CACNA1D: variants seen among roughly 807,000 people sequenced by gnomAD.
CACNA1D encodes the protein voltage-dependent L-type calcium channel subunit alpha-1D.
A neutral mutation model predicts 257.1 loss-of-function variants in CACNA1D; 55 were observed. That is an observed-to-expected ratio of 0.21 (90% CI 0.17 to 0.27). The LOEUF is 0.27. CACNA1D is among the 10% of genes least tolerant of loss of function. The pLI, the probability that CACNA1D is intolerant of heterozygous loss-of-function variation, is 1.00. For synonymous variants in CACNA1D, 980 were observed against 1,014.9 expected (o/e 0.97, Z 0.65); for missense variants, 1,876 against 2,784.0 (o/e 0.67, Z 7.34).
chr3:53,744,703 A>G, intron 22 of CACNA1D, 37 bp from the exon 23 acceptor site: 1 of 1,116,448 alleles, frequency 9.0e-7, no homozygotes, highest in Non-Finnish European at 1.4e-6. Context: ...TCCATTTATA[A>G]CACGCTCTGC....
intron 3 of CACNA1D, among the ~76,000 whole-genome samples, chr3:53,638,852 A>G (rs1275145587): frequency 6.6e-6 from 1 of 152,182 alleles, no homozygotes; most frequent in Non-Finnish European, 1.5e-5. Flanking sequence ...CACCTCCCAG[A>G]TGGGTCCTCG....
rs753277894 is a variant in CACNA1D at position 53,723,573 on chromosome 3, G to T, written c.1806G>T (p.Thr602=). The T allele has an allele frequency of 5.6e-6, 9 of 1,614,072 alleles. No homozygotes were observed. In the Admixed American group the frequency reaches 1.5e-4, roughly 27 times the overall value. Reference sequence around the variant, plus strand: ...TGGTGTGTGGTGGAATCACTGAGACGATCTTGGTGGAACTGGAAATCATGT... The same window carrying T: ...TGGTGTGTGGTGGAATCACTGAGACTATCTTGGTGGAACTGGAAATCATGT... The part of the protein sequence containing the change: ...CFVVCGGITE[T]ILVELEIMSP... Residue 602 remains threonine, a synonymous_variant, in exon 13 of 48, where the codon ACG becomes ACT. Coordinates refer to ENST00000350061, the MANE Select transcript of CACNA1D (RefSeq NM_001128840.3). The surrounding 1 kb of genome is among the most constrained non-coding windows in gnomAD (Gnocchi z 5.6).
intron 3 of CACNA1D, among the ~76,000 whole-genome samples, chr3:53,531,221 G>T (rs959449298): frequency 4.6e-5 from 7 of 152,010 alleles, no homozygotes; most frequent in Non-Finnish European, 1.0e-4. Context: ...AACTAATCAA[G>T]CTCCCCGTGT....
chr3:53,637,468 T>G (rs2093897943), intron 3 of CACNA1D, among the ~76,000 whole-genome samples: 1 of 152,162 alleles, frequency 6.6e-6, no homozygotes, highest in African/African-American at 2.4e-5. Flanking sequence ...AGGAAAGCAA[T>G]TTAAAACATA....
rs2095532593 is a variant in CACNA1D, at chr3:53,800,779, T to C, written c.5041-279T>C. The C allele has an allele frequency of 7.3e-6, 4 of 545,708 alleles. No individual in the cohort carries two copies. In the East Asian group the frequency reaches 9.8e-5, roughly 13 times the overall value. 33.8% of individuals were successfully genotyped at this position (545,708 alleles called of 1,614,324 possible). The stretch of plus-strand genomic sequence containing the variant: ...GGGGCCACCAGCCAGCCCAGCTGGG[T>C]ATAAGTCACCCCAACTTGGAGCAAC... On this transcript the variant is annotated intron_variant, in intron 41 of 47. Transcript: ENST00000350061. The surrounding 1 kb of genome is among the most constrained non-coding windows in gnomAD (Gnocchi z 4.3).
chr3:53,620,401 C>T (rs1341985486), intron 3 of CACNA1D, among the ~76,000 whole-genome samples: 3 of 152,218 alleles, frequency 2.0e-5, no homozygotes, highest in Non-Finnish European at 4.4e-5. Context: ...AGTAATCCTC[C>T]TGCCTCAGCC....
chr3:53,595,480 C>T (rs1406005873), intron 3 of CACNA1D, among the ~76,000 whole-genome samples: 5 of 152,190 alleles, frequency 3.3e-5, no homozygotes, highest in Non-Finnish European at 7.3e-5. Context: ...TACCATGGAG[C>T]TTTCAATGAG....
rs996543669 is a variant in CACNA1D at position 53,675,307 on chromosome 3, T to A, written c.1220+2181T>A. The stretch of plus-strand genomic sequence containing the variant: ...GTGTCTCTCTCCTAGTAAACCTCAG[T>A]GGCCTTAGGCTAGGGTTGGACATGT... On this transcript the variant is annotated intron_variant, in intron 8 of 47. Transcript: ENST00000350061. 2.0e-5 allele frequency among the ~76,000 whole-genome samples: 3 copies of A among 152,246 alleles called. No individual in the cohort carries two copies. The East Asian group carries it at 5.8e-4, about 29-fold the overall frequency.
At chr3:53,639,128 T>G (rs1408356480) in intron 3 of CACNA1D, among the ~76,000 whole-genome samples, 1 of 152,196 alleles carries the variant, frequency 6.6e-6, no homozygotes, top group Non-Finnish European at 1.5e-5. Context: ...ATCTGTGAAA[T>G]GTAAATAACC....
intron 25 of CACNA1D, among the ~76,000 whole-genome samples, chr3:53,746,263 T>C (rs1356915566): frequency 6.6e-6 from 1 of 152,164 alleles, no homozygotes; most frequent in South Asian, 2.1e-4. Flanking sequence ...ATGTGGATGA[T>C]TTCCCCAAAT....
chr3:53,691,877 T>A (rs1559523077), intron 8 of CACNA1D, among the ~76,000 whole-genome samples: 1 of 99,510 alleles, frequency 1.0e-5, no homozygotes, highest in African/African-American at 3.9e-5. Flanking sequence ...ATATATTACA[T>A]ATAATATATA....
intron 3 of CACNA1D, among the ~76,000 whole-genome samples, chr3:53,572,572 G>A (rs552603272): frequency 3.3e-5 from 5 of 151,938 alleles, no homozygotes; most frequent in African/African-American, 9.6e-5. Flanking sequence ...GCTAATTTTT[G>A]TATTTTTTAT....
intron 3 of CACNA1D, among the ~76,000 whole-genome samples, chr3:53,516,919 T>A (rs927196397): frequency 6.6e-6 from 1 of 152,186 alleles, no homozygotes; most frequent in Non-Finnish European, 1.5e-5. Context: ...TCTTCACTGT[T>A]GCAGTGCTGT....
Position 53,751,942 on chromosome 3 carries a change from G to A in CACNA1D, c.3675+35G>A. On this transcript the variant is annotated intron_variant, in intron 28 of 47. Transcript: ENST00000350061. This position sits in a 1 kb window ranked among gnomAD's most constrained non-coding sequence, Gnocchi z 4.3. ...GAGACAGCCGTGGGGATCAGGTCCG[G>A]GCATTCCGCACAGCCCCGTGCCCCA... The A allele has an allele frequency of 1.2e-6, 2 of 1,608,786 alleles. No homozygotes were observed. The highest frequency in any genetic ancestry group is 1.7e-6 in the Non-Finnish European group (2 of 1,175,294).
intron 29 of CACNA1D, among the ~76,000 whole-genome samples, chr3:53,757,790 C>G (rs985441390): frequency 8.5e-5 from 13 of 152,208 alleles, no homozygotes; most frequent in African/African-American, 3.1e-4. Context: ...ACCCTGCTTC[C>G]TCTTTGTTAT....
rs374235719 is a variant in CACNA1D, at chr3:53,745,806, G to A, written c.3115-17G>A. On this transcript the variant is annotated splice_polypyrimidine_tract_variant and intron_variant, in intron 24 of 47. Transcript: ENST00000350061. ...GAAGCCTGCATTTACTTAACTGCCT[G>A]TCTATTTTATACCCAGGGGAAGTTC... 1.9e-6 allele frequency: 3 copies of A among 1,612,282 alleles called. No homozygotes were observed. The highest frequency in any genetic ancestry group is 2.7e-5 in the African/African-American group (2 of 74,888).
intron 20 of CACNA1D, among the ~76,000 whole-genome samples, chr3:53,737,741 T>G (rs1376620487): frequency 1.3e-5 from 2 of 152,230 alleles, no homozygotes; most frequent in Non-Finnish European, 2.9e-5. Context: ...GAGAATCGCT[T>G]GAACCCAGGA....
At chr3:53,511,550 G>A (rs890817896) in intron 3 of CACNA1D, among the ~76,000 whole-genome samples, 9 of 152,212 alleles carry the variant, frequency 5.9e-5, no homozygotes, top group East Asian at 1.9e-4. Flanking sequence ...CAGAAATGCC[G>A]CGCAAGCAGA....
intron 9 of CACNA1D, among the ~76,000 whole-genome samples, chr3:53,706,746 A>G (rs1311622809): frequency 1.3e-5 from 2 of 152,078 alleles, no homozygotes; most frequent in African/African-American, 4.8e-5. Context: ...CCCAGTAAGT[A>G]ATTTCTCATC....
Sources: allele counts gnomAD v4.1 joint callset (sites outside exome capture counted in the v4.1 genomes callset), GRCh38; gene constraint gnomAD v4.1.1; non-coding constraint Gnocchi (gnomAD v3.1); transcripts MANE v1.5; gene names NCBI Gene and HGNC (gene_info 2026-07-23, HGNC 2026-07-21).